NRG1: variants seen among roughly 807,000 people sequenced by gnomAD.
NRG1 encodes the protein neuregulin 1.
NRG1 carries 18 observed loss-of-function variants against 63.8 expected under a neutral mutation model. The observed-to-expected ratio is 0.28, with a 90% confidence interval of 0.19 to 0.42. NRG1 has a LOEUF of 0.42. NRG1 is among the 10% of genes least tolerant of loss of function. NRG1 has a pLI of 1.00. For missense variants in NRG1, 762 were observed against 814.7 expected (o/e 0.94, Z 0.79); for synonymous variants, 302 against 301.3 (o/e 1.00, Z -0.02).
chr8:32,525,327 T>C (rs1014902282), intron 1 of NRG1, among the ~76,000 whole-genome samples: 1 of 152,080 alleles, frequency 6.6e-6, no homozygotes, highest in Non-Finnish European at 1.5e-5. Context: ...TGAAAGTCAG[T>C]CTTTTGTCAC....
chr8:32,146,927 G>A (rs1316960247), intron 1 of NRG1, among the ~76,000 whole-genome samples: 1 of 152,098 alleles, frequency 6.6e-6, no homozygotes, highest in Non-Finnish European at 1.5e-5. Flanking sequence ...TACCCAAGAA[G>A]TAGCAAGAAA....
At chr8:31,850,186 G>A (rs181846278) in intron 1 of NRG1, among the ~76,000 whole-genome samples, 27 of 152,182 alleles carry the variant, frequency 1.8e-4, no homozygotes, top group Admixed American at 1.8e-3. Flanking sequence ...CTCCAAGCTG[G>A]GGGGCAGTCA....
At chr8:31,869,308 T>A (rs1282897183) in intron 1 of NRG1, among the ~76,000 whole-genome samples, 1 of 152,144 alleles carries the variant, frequency 6.6e-6, no homozygotes, top group Non-Finnish European at 1.5e-5. Context: ...CTACTTAGAC[T>A]CACTGCATAG....
intron 1 of NRG1, among the ~76,000 whole-genome samples, chr8:31,968,587 C>T (rs140082099): frequency 0.011 from 1,715 of 152,264 alleles, 11 homozygotes; most frequent in Middle Eastern, 0.051. Flanking sequence ...ACATATAGTA[C>T]CCCTTCAACC....
intron 1 of NRG1, among the ~76,000 whole-genome samples, chr8:31,969,244 T>C (rs983721665): frequency 4.6e-5 from 7 of 152,216 alleles, no homozygotes; most frequent in Non-Finnish European, 1.0e-4. Context: ...CTCAAAACCA[T>C]AATATTTTTG....
At chr8:31,949,871 CT>C (rs1178921149) in intron 1 of NRG1, among the ~76,000 whole-genome samples, 1 of 152,136 alleles carries the variant, frequency 6.6e-6, no homozygotes, top group Admixed American at 6.5e-5. Context: ...TTTGTTTTTC[CT>C]CCAGTCTTGT....
At chr8:31,854,919 GT>G (rs1195467481) in intron 1 of NRG1, among the ~76,000 whole-genome samples, 1 of 152,172 alleles carries the variant, frequency 6.6e-6, no homozygotes, top group Non-Finnish European at 1.5e-5. Flanking sequence ...TAGCTGAGCG[GT>G]TTTGAGTGAG....
intron 1 of NRG1, among the ~76,000 whole-genome samples, chr8:31,847,995 T>A (rs1435853225): frequency 6.6e-6 from 1 of 152,152 alleles, no homozygotes; most frequent in African/African-American, 2.4e-5. Context: ...GACACTAGGG[T>A]TCCTAAATAC....
At chr8:32,536,024 A>G (rs1173639203) in intron 1 of NRG1, among the ~76,000 whole-genome samples, 2 of 152,244 alleles carry the variant, frequency 1.3e-5, no homozygotes, top group Non-Finnish European at 2.9e-5. Flanking sequence ...AAATTATTTT[A>G]TAACTGCAAC....
At chr8:31,736,085 C>T (rs188969003) in intron 1 of NRG1, among the ~76,000 whole-genome samples, 1 of 152,218 alleles carries the variant, frequency 6.6e-6, no homozygotes, top group East Asian at 1.9e-4. Flanking sequence ...AGTGTAAATT[C>T]CCAAGGTCCT....
intron 5 of NRG1, among the ~76,000 whole-genome samples, chr8:32,681,690 C>G (rs1808679692): frequency 6.6e-6 from 1 of 152,104 alleles, no homozygotes; most frequent in Non-Finnish European, 1.5e-5. Context: ...ATAATTAACT[C>G]TTGGAATATC....
intron 1 of NRG1, among the ~76,000 whole-genome samples, chr8:32,329,116 A>AT (rs1274468031): frequency 6.6e-6 from 1 of 152,100 alleles, no homozygotes; most frequent in African/African-American, 2.4e-5. Context: ...ATGGGCATGC[A>AT]TCACCATGCC....
At chr8:32,033,856 A>G (rs552073001) in intron 1 of NRG1, among the ~76,000 whole-genome samples, 4 of 152,280 alleles carry the variant, frequency 2.6e-5, no homozygotes, top group African/African-American at 9.6e-5. Context: ...GAGCTGAGAC[A>G]ATGGAGTTTT....
At chr8:32,380,059 ATC>A (rs1302195193) in intron 1 of NRG1, among the ~76,000 whole-genome samples, 3 of 152,020 alleles carry the variant, frequency 2.0e-5, no homozygotes, top group Admixed American at 2.0e-4. Context: ...TGTCATCACC[ATC>A]TCCACTTTCT....
intron 1 of NRG1, among the ~76,000 whole-genome samples, chr8:31,813,519 T>TTTTTTTTTTTTTTTTTTTTTTTCTTC (rs1823115751): frequency 8.6e-6 from 1 of 116,114 alleles, no homozygotes; most frequent in Non-Finnish European, 1.9e-5. Context: ...TTCTTTTCTT[T>TTTTTTTTTTTTTTTTTTTTTTTCTTC]TTTTTTTTTT....
chr8:32,377,192 T>A (rs917495664), intron 1 of NRG1, among the ~76,000 whole-genome samples: 4 of 152,204 alleles, frequency 2.6e-5, no homozygotes, highest in Non-Finnish European at 5.9e-5. Flanking sequence ...CCAAGAAAGC[T>A]TCAAGAAGTT....
chr8:31,995,241 A>AT (rs932582277), intron 1 of NRG1, among the ~76,000 whole-genome samples: 1 of 151,988 alleles, frequency 6.6e-6, no homozygotes, highest in Non-Finnish European at 1.5e-5. Context: ...TCTGGGCAGA[A>AT]TTAATCCTTT....
chr8:32,534,891 A>T (rs913762114), intron 1 of NRG1, among the ~76,000 whole-genome samples: 3 of 152,146 alleles, frequency 2.0e-5, no homozygotes, highest in Non-Finnish European at 4.4e-5. Context: ...TTGTTCCAGG[A>T]TTTAAAAATT....
chr8:31,903,181 C>T (rs1258433338), intron 1 of NRG1, among the ~76,000 whole-genome samples: 2 of 132,672 alleles, frequency 1.5e-5, no homozygotes, highest in Non-Finnish European at 3.1e-5. Context: ...TGGAATCTCA[C>T]TCTGTTGCCC....
Sources: allele counts gnomAD v4.1 joint callset (sites outside exome capture counted in the v4.1 genomes callset), GRCh38; gene constraint gnomAD v4.1.1; transcripts MANE v1.5; gene names NCBI Gene and HGNC (gene_info 2026-07-23, HGNC 2026-07-21).